NUP210L: variants seen among roughly 807,000 people sequenced by gnomAD.
The protein encoded by NUP210L is nuclear pore membrane glycoprotein 210-like.
Under a neutral mutation model 208.5 loss-of-function variants are expected in NUP210L, and 74 were observed. The observed-to-expected ratio is 0.35, with a 90% CI of 0.29 to 0.43. The LOEUF (loss-of-function observed/expected upper bound fraction) is 0.43. NUP210L is among the 20% of genes least tolerant of loss of function. The pLI is 1.00. For synonymous variants in NUP210L, 780 were observed against 816.9 expected (o/e 0.95, Z 0.77); for missense variants, 1,843 against 2,289.4 (o/e 0.81, Z 3.98).
In NUP210L at chr1:154,092,615, G is replaced by A. The variant is rs1015345265; in HGVS notation, c.2187+2320C>T. Among the ~76,000 whole-genome samples the A allele has an allele frequency of 6.0e-5, 9 of 149,746 alleles. 1 individual carries two copies. Among genetic ancestry groups the A allele is most frequent in the South Asian group, 2.1e-4 (1 of 4,750 alleles). On this transcript the variant is annotated intron_variant, in intron 15 of 39. Transcript: ENST00000368559. ...TTGGCTAGGCTGGTCTCATACTCCT[G>A]ACCTCAAATGATCCACCTGCCTCAG...
At chr1:154,054,198 T>C (rs374582560) in intron 25 of NUP210L, 30 bp downstream of exon 25, 20 of 1,610,804 alleles carry the variant, frequency 1.2e-5, no homozygotes, top group African/African-American at 9.4e-5. Flanking sequence ...AATAGAAGAA[T>C]AGAAGCAGAG....
chr1:154,108,398 T>G (rs930045698), intron 12 of NUP210L, among the ~76,000 whole-genome samples: 6 of 152,112 alleles, frequency 3.9e-5, no homozygotes, highest in African/African-American at 1.4e-4. Flanking sequence ...TCTTAGGTGA[T>G]CTAAGGTTAT....
At chr1:154,055,690 C>T (rs1653829599) in intron 23 of NUP210L, among the ~76,000 whole-genome samples, 1 of 152,098 alleles carries the variant, frequency 6.6e-6, no homozygotes, top group Admixed American at 6.6e-5. Context: ...GCCACCAAAC[C>T]CAGCCCATCA....
chr1:154,111,849 A>G (rs1657053825), intron 12 of NUP210L, among the ~76,000 whole-genome samples: 2 of 151,814 alleles, frequency 1.3e-5, no homozygotes, highest in Admixed American at 1.3e-4. Context: ...AAAACACTAC[A>G]GGCCAATATC....
intron 16 of NUP210L, among the ~76,000 whole-genome samples, chr1:154,074,796 T>A (rs1337666776): frequency 6.6e-6 from 1 of 152,170 alleles, no homozygotes; most frequent in Non-Finnish European, 1.5e-5. Context: ...GCTGGGATCA[T>A]GAATTTTAAG....
At chr1:154,041,760 A>C (rs1245294860) in intron 27 of NUP210L, among the ~76,000 whole-genome samples, 1 of 152,174 alleles carries the variant, frequency 6.6e-6, no homozygotes, top group African/African-American at 2.4e-5. Context: ...GACTTCTGAT[A>C]ATAGGGAAGG....
intron 20 of NUP210L, 88 bp downstream of exon 20, chr1:154,060,452 G>A (rs1017453256): frequency 3.7e-6 from 3 of 802,326 alleles, no homozygotes; most frequent in Middle Eastern, 2.4e-4. Context: ...TCTGTAACAA[G>A]TTTTAGACAC....
chr1:154,070,319 C>T (rs1557954993), exon 17 of NUP210L: 1 of 1,611,996 alleles, frequency 6.2e-7, no homozygotes, highest in African/African-American at 1.3e-5. Flanking sequence ...CTACCATTTC[C>T]ACTGATTTAT....
intron 6 of NUP210L, among the ~76,000 whole-genome samples, chr1:154,137,101 TTTTA>T (rs1658589562): frequency 6.6e-6 from 1 of 152,054 alleles, no homozygotes; most frequent in African/African-American, 2.4e-5. Flanking sequence ...GCTTTAATTG[TTTTA>T]TTTATTTAGT....
At chr1:154,002,090 G>T in intron 35 of NUP210L, 105 bp from the exon 36 acceptor site, 1 of 1,168,840 alleles carries the variant, frequency 8.6e-7, no homozygotes. Context: ...TTCAGCAAAA[G>T]AGAAAATGTG....
At chr1:154,086,432 A>G (rs1394693592) in intron 16 of NUP210L, among the ~76,000 whole-genome samples, 1 of 152,170 alleles carries the variant, frequency 6.6e-6, no homozygotes, top group East Asian at 1.9e-4. Context: ...ATATGACACC[A>G]AAAGTACAAA....
rs1306423803 is a variant in NUP210L, at chr1:154,136,058, AG to A, written c.851-87del. The A allele has an allele frequency of 3.5e-5, 32 of 920,730 alleles. No individual in the cohort carries two copies. The Middle Eastern group carries it at 8.4e-4, about 24-fold the overall frequency. The allele number at this position is 920,730 out of a possible 1,614,324, so 57.0% of individuals were successfully genotyped here. A position where few individuals can be genotyped will look rare whatever the true frequency, so the allele number is the denominator to read the frequency against. On this transcript the variant is annotated intron_variant, in intron 6 of 39. Transcript: ENST00000368559. The stretch of plus-strand genomic sequence containing the variant: ...TATTCTTGATCATAAAGGAATGATC[AG>A]GAAGCAGACATAAAATAAGAGTATG...
chr1:154,088,532 G>T (rs937576110), intron 16 of NUP210L, among the ~76,000 whole-genome samples: 1 of 152,130 alleles, frequency 6.6e-6, no homozygotes, highest in African/African-American at 2.4e-5. Flanking sequence ...ACTCCACTCA[G>T]AGTGCTCTAA....
At chr1:154,009,835 A>G in intron 35 of NUP210L, 137 bp downstream of exon 35, 1 of 696,916 alleles carries the variant, frequency 1.4e-6, no homozygotes, top group Non-Finnish European at 2.2e-6. Context: ...CGGGTTGAAC[A>G]AAAATGTTGC....
intron 18 of NUP210L, among the ~76,000 whole-genome samples, chr1:154,061,354 G>A (rs1654127229): frequency 6.6e-6 from 1 of 151,668 alleles, no homozygotes; most frequent in African/African-American, 2.4e-5. Flanking sequence ...CTCCATCCTG[G>A]GTGACAGAGC....
At chr1:154,076,955 A>G (rs911664220) in intron 16 of NUP210L, among the ~76,000 whole-genome samples, 1 of 152,176 alleles carries the variant, frequency 6.6e-6, no homozygotes, top group African/African-American at 2.4e-5. Flanking sequence ...CCAGAGTCAA[A>G]GACAGAATCA....
At chr1:154,149,639 G>T (rs1298977236) in intron 2 of NUP210L, among the ~76,000 whole-genome samples, 1 of 152,118 alleles carries the variant, frequency 6.6e-6, no homozygotes. Flanking sequence ...AGCCCAGGAG[G>T]TCATAGCTGC....
rs138328348 is a variant in NUP210L at position 154,097,905 on chromosome 1, G to A, written c.1965+2093C>T. 3.5e-3 allele frequency among the ~76,000 whole-genome samples: 530 copies of A among 152,294 alleles called. 5 individuals are homozygous for A. In the East Asian group the frequency reaches 0.043, roughly 12 times the overall value. On this transcript the variant is annotated intron_variant, in intron 14 of 39. Coordinates refer to ENST00000368559, the Ensembl canonical transcript of NUP210L. ...TTCTGGCTGGAAACCTCTGTGGCTG[G>A]TGGCACCTTTGCCCAAGTTTTGTTT...
intron 3 of NUP210L, 145 bp from the exon 4 acceptor site, chr1:154,141,669 A>C: frequency 1.7e-6 from 1 of 594,456 alleles, no homozygotes; most frequent in Non-Finnish European, 3.0e-6. Context: ...TTAATGAATT[A>C]AAACATATAT....
Sources: allele counts gnomAD v4.1 joint callset (sites outside exome capture counted in the v4.1 genomes callset), GRCh38; gene constraint gnomAD v4.1.1; transcripts MANE v1.5; gene names NCBI Gene and HGNC (gene_info 2026-07-23, HGNC 2026-07-21).